HTN3: variants seen among roughly 807,000 people sequenced by gnomAD.
The protein encoded by HTN3 is histatin 3.
HTN3 carries 15 observed loss-of-function variants against 10.6 expected under a neutral mutation model. The observed-to-expected ratio is 1.42, with a 90% confidence interval of 0.95 to 2.18. The LOEUF (loss-of-function observed/expected upper bound fraction) is 2.18, where lower values mean the gene tolerates loss of function less well. Among genes scored for constraint, HTN3 ranks in the 30% most tolerant of loss-of-function variants. The pLI is 0.00. For missense variants in HTN3, 68 were observed against 58.0 expected (o/e 1.17, Z -0.56); for synonymous variants, 15 against 16.9 (o/e 0.89, Z 0.27).
chr4:70,030,764 A>T lies in HTN3; in HGVS notation c.24A>T (p.Leu8Phe). 6.2e-7 allele frequency: 1 copy of T among 1,612,686 alleles called. No individual in the cohort carries two copies. The highest frequency in any genetic ancestry group is 8.5e-7 in the Non-Finnish European group (1 of 1,178,908). Residue 8 changes from leucine to phenylalanine, a missense_variant, in exon 2 of 6, where the codon TTA becomes TTT. By Grantham distance (22) the Leu-to-Phe change is conservative. Coordinates refer to ENST00000673563, the MANE Select transcript of HTN3 (RefSeq NM_000200.3). ...CTATGAAGTTTTTTGTTTTTGCTTT[A>T]ATCTTGGCTCTCATGCTTTCCATGA... MKFFVFA[L>F]ILALMLSMTG...
chr4:70,032,107 T>G lies in HTN3; in HGVS notation c.102T>G (p.His34Gln). ...KRHHGYKRKF[H>Q]EKHHSHRGYR... ...ATCATGGGTATAAAAGAAAATTCCA[T>G]GTAAGTGTTCTTCTGATAATGTGCA... is the stretch of plus-strand genomic sequence containing the variant. Residue 34 changes from histidine (H) to glutamine (Q), a missense_variant and splice_region_variant, in exon 4 of 6, where the codon CAT (histidine) becomes CAG (glutamine). Transcript: ENST00000673563. 6.6e-7 allele frequency: 1 copy of G among 1,508,964 alleles called. No individual in the cohort carries two copies. The highest frequency in any genetic ancestry group is 9.2e-7 in the Non-Finnish European group (1 of 1,091,638). The allele number at this position is 1,508,964 out of a possible 1,614,324, so 93.5% of individuals were successfully genotyped here.
chr4:70,030,470 A>G (rs1199483851), intron 1 of HTN3, among the ~76,000 whole-genome samples: 1 of 152,100 alleles, frequency 6.6e-6, no homozygotes, highest in African/African-American at 2.4e-5. Flanking sequence ...TTCTCTACCA[A>G]AAGAAAAACA....
chr4:70,030,804 G>T lies in HTN3; in HGVS notation c.51+13G>T. On this transcript the variant is annotated intron_variant, in intron 2 of 5. Transcript: ENST00000673563. ...GCTTTCCATGACTGTAAGTATATCT[G>T]GAAGTTTTAAAGGATACATTCTCAG... 2 of 1,602,572 alleles carry T rather than the reference G, an allele frequency of 1.2e-6. No homozygotes were observed. The highest frequency in any genetic ancestry group is 1.7e-6 in the Non-Finnish European group (2 of 1,169,918).
intron 5 of HTN3, among the ~76,000 whole-genome samples, chr4:70,035,867 G>C (rs1456747189): frequency 1.3e-5 from 2 of 152,054 alleles, no homozygotes; most frequent in East Asian, 1.9e-4. Context: ...CCTGCTCTTC[G>C]TGATATTAGA....
At chr4:70,035,562 C>T (rs1725496224) in intron 5 of HTN3, among the ~76,000 whole-genome samples, 1 of 152,042 alleles carries the variant, frequency 6.6e-6, no homozygotes, top group South Asian at 2.1e-4. Flanking sequence ...CGTTTTATGC[C>T]TAAGTAACTC....
At chr4:70,033,402 T>C (rs1357001484) in intron 5 of HTN3, 149 bp downstream of exon 5, 12 of 519,678 alleles carry the variant, frequency 2.3e-5, no homozygotes, top group Admixed American at 7.5e-5. Flanking sequence ...TTGATTTATA[T>C]AGATGCTTCT....
At chr4:70,030,838 C>T (rs1273864096) in intron 2 of HTN3, 47 bp downstream of exon 2, 4 of 1,389,272 alleles carry the variant, frequency 2.9e-6, no homozygotes, top group African/African-American at 2.8e-5. Flanking sequence ...AGTACTTATC[C>T]CAAGGATCTT....
intron 5 of HTN3, 56 bp downstream of exon 5, chr4:70,033,309 C>A: frequency 1.2e-5 from 10 of 816,520 alleles, no homozygotes; most frequent in South Asian, 3.4e-5. Context: ...ACAGTTAAAA[C>A]AAGGAAAAAT....
intron 5 of HTN3, among the ~76,000 whole-genome samples, chr4:70,035,308 T>C (rs1037321480): frequency 2.0e-5 from 3 of 152,202 alleles, no homozygotes; most frequent in African/African-American, 7.2e-5. Flanking sequence ...ATTCCTAATC[T>C]TCTCTTAACC....
chr4:70,032,277 G>T (rs563879003), intron 4 of HTN3, among the ~76,000 whole-genome samples, 170 bp downstream of exon 4: 1 of 152,036 alleles, frequency 6.6e-6, no homozygotes, highest in East Asian at 1.9e-4. Flanking sequence ...CAAAAATCTT[G>T]TGTTCTAACA....
At chr4:70,029,860 C>G (rs1447482856) in intron 1 of HTN3, among the ~76,000 whole-genome samples, 8 of 152,200 alleles carry the variant, frequency 5.3e-5, no homozygotes, top group Middle Eastern at 3.4e-3. Context: ...CCTGTGACTT[C>G]TCTTCATTTT....
At chr4:70,033,036 T>A (rs1319453289) in intron 4 of HTN3, 131 bp from the exon 5 acceptor site, 3 of 637,538 alleles carry the variant, frequency 4.7e-6, no homozygotes, top group Non-Finnish European at 5.5e-6. Context: ...TTTGAAAACA[T>A]TTATGTAGAT....
chr4:70,032,802 G>A (rs1328013744), intron 4 of HTN3, among the ~76,000 whole-genome samples: 1 of 152,002 alleles, frequency 6.6e-6, no homozygotes, highest in African/African-American at 2.4e-5. Flanking sequence ...CACCACCTAA[G>A]TTGGAAACGG....
At chr4:70,032,026 C>T in intron 3 of HTN3, 27 bp downstream of exon 3, 1 of 1,561,274 alleles carries the variant, frequency 6.4e-7, no homozygotes, top group Non-Finnish European at 8.8e-7. Context: ...TACTGGAAAA[C>T]TTGATAATTA....
At chr4:70,031,859 A>G (rs1725389007) in intron 2 of HTN3, 120 bp from the exon 3 acceptor site, 2 of 697,954 alleles carry the variant, frequency 2.9e-6, no homozygotes, top group South Asian at 1.7e-5. Flanking sequence ...TTAGCATGTC[A>G]TCATCCAAAG....
chr4:70,031,938 A>T, intron 2 of HTN3, 41 bp from the exon 3 acceptor site: 1 of 1,357,498 alleles, frequency 7.4e-7, no homozygotes, highest in South Asian at 1.2e-5. Flanking sequence ...GAATTATGAA[A>T]TTAAGATATT....
chr4:70,036,173 T>A (rs570633572), intron 5 of HTN3, 94 bp from the exon 6 acceptor site: 5 of 152,314 alleles, frequency 3.3e-5, no homozygotes, highest in African/African-American at 1.2e-4. Context: ...AATAAAACTA[T>A]CTATAAATAA....
intron 4 of HTN3, among the ~76,000 whole-genome samples, chr4:70,032,462 T>C (rs774024879): frequency 6.6e-6 from 1 of 152,086 alleles, no homozygotes; most frequent in Non-Finnish European, 1.5e-5. Flanking sequence ...GCATAGAGGC[T>C]ACCCATGTAA....
intron 5 of HTN3, chr4:70,034,464 C>G (rs1725461178): frequency 6.6e-6 from 1 of 152,162 alleles, no homozygotes; most frequent in Admixed American, 6.5e-5. Context: ...AGCTCAACAT[C>G]ACAATCATTA....
Sources: gnomAD v4.1 joint callset for allele counts (sites outside exome capture counted in the v4.1 genomes callset) on GRCh38, gnomAD v4.1.1 for gene constraint, MANE v1.5 for transcripts, NCBI Gene and HGNC (gene_info 2026-07-23, HGNC 2026-07-21) for gene names.